The following GPM6B variants were observed in gnomAD, a reference collection of about 807,000 sequenced individuals.
GPM6B encodes the protein glycoprotein M6B.
GPM6B carries 4 observed loss-of-function variants against 27.2 expected under a neutral mutation model. The observed-to-expected ratio is 0.15, with a 90% CI of 0.07 to 0.34. The LOEUF (loss-of-function observed/expected upper bound fraction) is 0.34. Among genes scored for constraint, GPM6B ranks in the 10% least tolerant of loss-of-function variants. The pLI, the probability that GPM6B is intolerant of heterozygous loss-of-function variation, is 1.00. For synonymous variants in GPM6B, 124 were observed against 103.1 expected (o/e 1.20, Z -1.23); for missense variants, 183 against 261.9 (o/e 0.70, Z 2.08).
intron 1 of GPM6B, among the ~76,000 whole-genome samples, chrX:13,847,142 A>G (rs980602734): frequency 3.6e-5 from 4 of 111,855 alleles, no homozygotes; most frequent in African/African-American, 1.3e-4. Flanking sequence ...TGAAATCATT[A>G]GAGATGAAGG....
At chrX:13,776,433 T>C in intron 6 of GPM6B, 130 bp from the exon 7 acceptor site, 3 of 488,920 alleles carry the variant, frequency 6.1e-6, no homozygotes, top group Non-Finnish European at 1.0e-5. Flanking sequence ...GCCTGCCTTC[T>C]CTTCATGCTC....
chrX:13,853,094 C>T (rs763749775), intron 1 of GPM6B, among the ~76,000 whole-genome samples: 58 of 111,238 alleles, frequency 5.2e-4, no homozygotes, highest in African/African-American at 1.8e-3. Flanking sequence ...GTTCCATGTT[C>T]GTACTCCCAC....
At position 13,823,547 on chromosome X, in the gene GPM6B, T is replaced by C. The variant is rs2049336192; in HGVS notation, c.-197-37739A>G. Among the ~76,000 whole-genome samples, 3 of 102,754 alleles carry C rather than the reference T, an allele frequency of 2.9e-5. No individual in the cohort carries two copies. The Admixed American group carries it at 3.2e-4, about 11-fold the overall frequency. The allele number at this position is 102,754 out of a possible 115,157, so 89.2% of individuals were successfully genotyped here. A position where few individuals can be genotyped will look rare whatever the true frequency, so the allele number is the denominator to read the frequency against. ...TTTTTTTTTTTTTTTTTTGACAGAG[T>C]CCTGATCTGTTTCCCAGGCTGGAGT... On this transcript the variant is annotated intron_variant, in intron 1 of 6. Transcript: ENST00000398361.
Position 13,817,007 on chromosome X carries a change from C to T in GPM6B, c.-103G>A. 1.8e-6 allele frequency: 2 copies of T among 1,132,482 alleles called. No homozygotes were observed. Among genetic ancestry groups the T allele is most frequent in the East Asian group, 3.1e-5 (1 of 32,075 alleles). The allele number at this position is 1,132,482 out of a possible 1,213,427, so 93.3% of individuals were successfully genotyped here. A position where few individuals can be genotyped will look rare whatever the true frequency, so the allele number is the denominator to read the frequency against. On this transcript the variant is annotated 5_prime_UTR_variant, in exon 1 of 8. Transcript: ENST00000316715. ...CTCCCCTCCGTCTCTTATTTACACC[C>T]GTCTGATTGAGAGGCTCTGTTCTTC... is the stretch of plus-strand genomic sequence containing the variant.
At chrX:13,872,058 C>T (rs1381765327) in intron 1 of GPM6B, among the ~76,000 whole-genome samples, 1 of 110,502 alleles carries the variant, frequency 9.0e-6, no homozygotes, top group Non-Finnish European at 1.9e-5. Context: ...AGCCTTTAGG[C>T]AAGACCCTGA....
At chrX:13,814,059 CATTGTG>C (rs2049188352) in intron 1 of GPM6B, among the ~76,000 whole-genome samples, 1 of 111,950 alleles carries the variant, frequency 8.9e-6, no homozygotes. Flanking sequence ...GAAACAAAGT[CATTGTG>C]ATTAAGTTTA....
intron 1 of GPM6B, among the ~76,000 whole-genome samples, chrX:13,853,080 G>C (rs2049738485): frequency 9.0e-6 from 1 of 111,103 alleles, no homozygotes; most frequent in Non-Finnish European, 1.9e-5. Context: ...CCTCGACAAG[G>C]GTTGTTCCAT....
At chrX:13,921,572 A>AC (rs1555932310) in intron 1 of GPM6B, among the ~76,000 whole-genome samples, 1,529 of 69,299 alleles carry the variant, frequency 0.022, 21 homozygotes, top group Middle Eastern at 0.05. Flanking sequence ...CACATTTATA[A>AC]CCCCCCCCCT....
chrX:13,871,109 CAAAACA>C (rs771752845), intron 1 of GPM6B, among the ~76,000 whole-genome samples: 132 of 37,772 alleles, frequency 3.5e-3, no homozygotes, highest in South Asian at 7.9e-3. Context: ...CAAAACAAAA[CAAAACA>C]AAAAAAAAAG....
upstream of GPM6B, chrX:13,817,179 C>T: frequency 1.1e-6 from 1 of 912,007 alleles, no homozygotes; most frequent in East Asian, 5.0e-5. Context: ...CATTCGGCGC[C>T]CGGTGGTGCC....
At chrX:13,779,296 T>TTA (rs397825417) in intron 5 of GPM6B, among the ~76,000 whole-genome samples, 3 of 111,954 alleles carry the variant, frequency 2.7e-5, no homozygotes, top group African/African-American at 9.8e-5. Flanking sequence ...GATAATGATT[T>TTA]ATAGAGTATG....
chrX:13,819,028 T>C (rs1421168098), upstream of GPM6B, among the ~76,000 whole-genome samples: 2 of 112,608 alleles, frequency 1.8e-5, no homozygotes, highest in African/African-American at 6.4e-5. Flanking sequence ...TTAATAGTGA[T>C]GCTGGTGAAA....
chrX:13,880,841 C>T (rs1422120943), intron 1 of GPM6B, among the ~76,000 whole-genome samples: 1 of 110,224 alleles, frequency 9.1e-6, no homozygotes, highest in East Asian at 2.9e-4. Context: ...CCCCTTCTTA[C>T]ACTCCAAACA....
chrX:13,910,333 G>A (rs190740939), intron 1 of GPM6B, among the ~76,000 whole-genome samples: 1 of 112,476 alleles, frequency 8.9e-6, no homozygotes, highest in African/African-American at 3.2e-5. Context: ...CCAGGCATCG[G>A]CATTTTTAAA....
intron 1 of GPM6B, among the ~76,000 whole-genome samples, chrX:13,907,595 G>A (rs1311104085): frequency 4.6e-5 from 5 of 108,675 alleles, no homozygotes; most frequent in African/African-American, 1.0e-4. Context: ...ACTTGAACCC[G>A]GGAGGCGGAG....
Position 13,774,348 on chromosome X carries a change from A to T in GPM6B, c.838-1318T>A. ...AACTGAATCCTTTTCAAAATGTGGA[A>T]ATAGCCACCAGATCTCATTATTGTG... On this transcript the variant is annotated intron_variant, in intron 7 of 7. Transcript: ENST00000316715. 8.0e-6 allele frequency: 8 copies of T among 999,163 alleles called. No individual in the cohort carries two copies. In the South Asian group the frequency reaches 2.9e-4, roughly 36 times the overall value. The allele number at this position is 999,163 out of a possible 1,213,427, so 82.3% of individuals were successfully genotyped here.
At chrX:13,792,849 G>A (rs1022594013) in intron 2 of GPM6B, among the ~76,000 whole-genome samples, 2 of 105,946 alleles carry the variant, frequency 1.9e-5, no homozygotes, top group African/African-American at 7.0e-5. Context: ...GCAGTGAGCT[G>A]AGATTGTGCC....
chrX:13,885,367 AG>A (rs1414378002), intron 1 of GPM6B, among the ~76,000 whole-genome samples: 1 of 112,547 alleles, frequency 8.9e-6, no homozygotes, highest in Non-Finnish European at 1.9e-5. Context: ...ATAGATGTTC[AG>A]GAAGTTTAAG....
At chrX:13,935,842 A>G (rs558154450) in intron 1 of GPM6B, among the ~76,000 whole-genome samples, 101 of 112,633 alleles carry the variant, frequency 9.0e-4, no homozygotes, top group Middle Eastern at 4.6e-3. Context: ...CCAGAGAAAT[A>G]GTTTCAACAC....
Sources: allele counts gnomAD v4.1 joint callset (sites outside exome capture counted in the v4.1 genomes callset), GRCh38; gene constraint gnomAD v4.1.1; transcripts MANE v1.5; gene names NCBI Gene and HGNC (gene_info 2026-07-23, HGNC 2026-07-21).